The following WTAP variants were observed in gnomAD, a reference collection of about 807,000 sequenced individuals.
The protein encoded by WTAP is pre-mRNA-splicing regulator WTAP.
Under a neutral mutation model 50.0 loss-of-function variants are expected in WTAP, and 8 were observed. The ratio of observed to expected loss-of-function variants is 0.16; its 90% CI spans 0.09 to 0.29. The LOEUF is 0.29. Among genes scored for constraint, WTAP ranks in the 10% least tolerant of loss-of-function variants. The pLI is 1.00. For synonymous variants in WTAP, 194 were observed against 169.0 expected, an observed-to-expected ratio of 1.15 and a Z score of -1.15; for missense variants, 295 against 470.7, an observed-to-expected ratio of 0.63 and a Z score of 3.45.
intron 3 of WTAP, chr6:159,741,855 G>T: frequency 2.7e-6 from 1 of 374,114 alleles, no homozygotes; most frequent in Non-Finnish European, 4.8e-6. Flanking sequence ...TTTGGTCCCA[G>T]CTATACAGGA....
intron 4 of WTAP, among the ~76,000 whole-genome samples, chr6:159,742,598 C>CTAT (rs1314406673): frequency 6.6e-6 from 1 of 151,912 alleles, no homozygotes; most frequent in Non-Finnish European, 1.5e-5. Flanking sequence ...CTGAAAATAA[C>CTAT]GTTTATCATT....
intron 7 of WTAP, among the ~76,000 whole-genome samples, chr6:159,753,835 T>C (rs1779908697): frequency 1.3e-5 from 2 of 152,230 alleles, no homozygotes; most frequent in African/African-American, 4.8e-5. Flanking sequence ...GTTCAAAATT[T>C]CTTACATTTT....
At chr6:159,753,364 T>G in intron 6 of WTAP, 96 bp from the exon 7 acceptor site, 2 of 1,529,336 alleles carry the variant, frequency 1.3e-6, no homozygotes, top group Non-Finnish European at 1.8e-6. Flanking sequence ...GTGATATAGT[T>G]ATGTTTGTAT....
rs545400549 is a variant in WTAP, at chr6:159,748,814, C to T, written c.452+445C>T. The T allele has an allele frequency of 1.9e-5, 23 of 1,230,898 alleles. No homozygotes were observed. The highest frequency in any genetic ancestry group is 8.4e-5 in the South Asian group (2 of 23,814). The allele number at this position is 1,230,898 out of a possible 1,614,324, so 76.2% of individuals were successfully genotyped here. On this transcript the variant is annotated intron_variant, in intron 6 of 7. Transcript: ENST00000621533. The surrounding 1 kb of genome is among the most constrained non-coding windows in gnomAD (Gnocchi z 5.6). ...GTAAAATTCCAGTAAAATGTAAAAA[C>T]GGAATATGCATCGCTCTTAACCTTG...
At position 159,755,680 on chromosome 6, in the gene WTAP, C is replaced by T; in HGVS notation, c.*69C>T. 3 of 1,341,184 alleles carry T rather than the reference C, an allele frequency of 2.2e-6. No individual in the cohort carries two copies. The South Asian group carries it at 6.3e-5, about 28-fold the overall frequency. The allele number at this position is 1,341,184 out of a possible 1,614,324, so 83.1% of individuals were successfully genotyped here. On this transcript the variant is annotated 3_prime_UTR_variant, in exon 8 of 8. Transcript: ENST00000621533. Reference sequence around the variant, plus strand: ...GAGGATACTGTCCAGAAAATTAATGCATACTTTTGTCACAATTTGCCTTTT... The same window carrying T: ...GAGGATACTGTCCAGAAAATTAATGTATACTTTTGTCACAATTTGCCTTTT...
chr6:159,741,429 T>A (rs1241871055), intron 3 of WTAP, among the ~76,000 whole-genome samples: 1 of 152,176 alleles, frequency 6.6e-6, no homozygotes, highest in African/African-American at 2.4e-5. Flanking sequence ...ATAAAGAACC[T>A]TCAATTCTAC....
Position 159,755,442 on chromosome 6 carries a change from C to A in WTAP, c.1022C>A (p.Ser341Tyr). 1 of 1,614,002 alleles carries A rather than the reference C, an allele frequency of 6.2e-7. No homozygotes were observed. The highest frequency in any genetic ancestry group is 8.5e-7 in the Non-Finnish European group (1 of 1,179,994). Residue 341 changes from serine to tyrosine, a missense_variant, in exon 8 of 8, where the codon TCT (serine) becomes TAT (tyrosine). Physicochemically the swap from Ser to Tyr is moderately radical, Grantham distance 144 (BLOSUM62 -2). Transcript: ENST00000621533. ...AGTGCGGGGTATGAAAGTGTAGACT[C>A]TCCCACGGGCAGTGAAAACTCTCTC... ...QLSAGYESVDSPTGSENSLTH... is the reference protein window; with the variant it reads ...QLSAGYESVDYPTGSENSLTH...
intron 6 of WTAP, among the ~76,000 whole-genome samples, chr6:159,751,316 G>A (rs936047647): frequency 6.6e-6 from 1 of 152,186 alleles, no homozygotes; most frequent in Non-Finnish European, 1.5e-5. Flanking sequence ...ATGGGGTTAA[G>A]TCAGGTCACA....
chr6:159,735,702 T>A (rs1184426479), intron 1 of WTAP, among the ~76,000 whole-genome samples: 2 of 151,854 alleles, frequency 1.3e-5, no homozygotes, highest in African/African-American at 2.4e-5. Context: ...TGACCTGAGA[T>A]CGCGCCACTG....
rs551254583 is a variant in WTAP, at chr6:159,728,578, T to G, written c.-9+875T>G. On this transcript the variant is annotated intron_variant, in intron 1 of 7. Transcript: ENST00000621533. ...GTCATAGATCCATCGCAAGTTCTCGTTTTTTGGATTTTAAAATTTTGACCA... is the reference window on the plus strand; with the variant it reads ...GTCATAGATCCATCGCAAGTTCTCGGTTTTTGGATTTTAAAATTTTGACCA... 1.4e-3 allele frequency among the ~76,000 whole-genome samples: 213 copies of G among 152,332 alleles called. 2 individuals carry two copies. Among genetic ancestry groups the G allele is most frequent in the Middle Eastern group, 6.8e-3 (2 of 294 alleles).
At position 159,747,366 on chromosome 6, in the gene WTAP, G is replaced by A. The variant is rs577198211; in HGVS notation, c.274-825G>A. Among the ~76,000 whole-genome samples the A allele has an allele frequency of 2.6e-5, 4 of 152,248 alleles. No homozygotes were observed. In the South Asian group the frequency reaches 6.2e-4, roughly 24 times the overall value. On this transcript the variant is annotated intron_variant, in intron 5 of 7. Coordinates refer to ENST00000621533, the MANE Select transcript of WTAP (RefSeq NM_001270531.2). ...GCCGGAGAACTAGAATTGTAGTCCC[G>A]CTATGGCACTGAACTAAACAGTTGG...
chr6:159,741,900 T>C (rs1779279148), intron 3 of WTAP, 188 bp from the exon 4 acceptor site: 1 of 480,520 alleles, frequency 2.1e-6, no homozygotes, highest in Non-Finnish European at 3.7e-6. Context: ...GCCCAGACCC[T>C]GTTTGCGCCA....
intron 5 of WTAP, among the ~76,000 whole-genome samples, chr6:159,744,070 G>A (rs911150025): frequency 1.3e-5 from 2 of 152,058 alleles, no homozygotes; most frequent in Non-Finnish European, 2.9e-5. Context: ...AGATATCTTG[G>A]TGTCTGAGGA....
At chr6:159,732,483 T>C (rs1375344104) in intron 1 of WTAP, among the ~76,000 whole-genome samples, 4 of 152,332 alleles carry the variant, frequency 2.6e-5, no homozygotes, top group East Asian at 1.9e-4. Flanking sequence ...GATACTGATA[T>C]ACCGGTTAAA....
Position 159,748,110 on chromosome 6 carries a change from A to G in WTAP, c.274-81A>G. On this transcript the variant is annotated intron_variant, in intron 5 of 7. Coordinates refer to ENST00000621533, the MANE Select transcript of WTAP (RefSeq NM_001270531.2). This position sits in a 1 kb window ranked among gnomAD's most constrained non-coding sequence, Gnocchi z 5.6. ...GCTTAATGAAAGAGTTGGTAAATCAAGTGAATGGAGGGAGTTTTCCCCACC... is the reference window on the plus strand; with the variant it reads ...GCTTAATGAAAGAGTTGGTAAATCAGGTGAATGGAGGGAGTTTTCCCCACC... The G allele has an allele frequency of 2.7e-6, 4 of 1,502,342 alleles. No individual in the cohort carries two copies. The highest frequency in any genetic ancestry group is 4.2e-5 in the Admixed American group (2 of 48,102). The allele number at this position is 1,502,342 out of a possible 1,614,324, so 93.1% of individuals were successfully genotyped here.
chr6:159,740,683 G>T (rs1387553713), intron 3 of WTAP, among the ~76,000 whole-genome samples: 2 of 150,908 alleles, frequency 1.3e-5, no homozygotes, highest in Non-Finnish European at 1.5e-5. Flanking sequence ...GTATTAGGAA[G>T]GTTTTTTTTT....
At chr6:159,752,528 G>A (rs996994644) in intron 6 of WTAP, among the ~76,000 whole-genome samples, 1 of 152,118 alleles carries the variant, frequency 6.6e-6, no homozygotes, top group African/African-American at 2.4e-5. Flanking sequence ...CTAGCATTTG[G>A]AAACTATAAT....
chr6:159,755,581 A>C lies in WTAP; in HGVS notation c.1161A>C (p.Ser387=), dbSNP rs780457996. Residue 387 remains serine, a synonymous_variant, in exon 8 of 8, where the codon TCA becomes TCC. Coordinates refer to ENST00000621533, the MANE Select transcript of WTAP (RefSeq NM_001270531.2). ...GCCACGTTCAGAATGGCTTGGACTC[A>C]AGTGTAAATGTACAGGGTTCAGTTT... ...GSRHVQNGLD[S]SVNVQGSVL 6.2e-7 allele frequency: 1 copy of C among 1,613,434 alleles called. No individual in the cohort carries two copies. The highest frequency in any genetic ancestry group is 1.1e-5 in the South Asian group (1 of 91,028).
At position 159,755,749 on chromosome 6, in the gene WTAP, G is replaced by GTTTTTTTTTTTTTTTTTT. The variant is rs1402868444; in HGVS notation, c.*148_*149insTTTTTTTTTTTTTTTTTT. The stretch of plus-strand genomic sequence containing the variant: ...TTTTTTTTTGTTGTTTTTTTTCTTT[G>GTTTTTTTTTTTTTTTTTT]TTTTTTTTTTCTTTTCTTTTTTTTT... On this transcript the variant is annotated 3_prime_UTR_variant, in exon 8 of 8. Coordinates refer to ENST00000621533, the MANE Select transcript of WTAP (RefSeq NM_001270531.2). The GTTTTTTTTTTTTTTTTTT allele has an allele frequency of 1.4e-4, 42 of 300,228 alleles. No homozygotes were observed. The highest frequency in any genetic ancestry group is 7.0e-4 in the African/African-American group (10 of 14,362). 18.6% of individuals were successfully genotyped at this position (300,228 alleles called of 1,614,324 possible).
Sources: gnomAD v4.1 joint callset for allele counts (sites outside exome capture counted in the v4.1 genomes callset) on GRCh38, gnomAD v4.1.1 for gene constraint, Gnocchi (gnomAD v3.1) non-coding constraint, MANE v1.5 for transcripts, NCBI Gene and HGNC (gene_info 2026-07-23, HGNC 2026-07-21) for gene names.